The following NPIPA1 variants were observed in gnomAD, a reference collection of about 807,000 sequenced individuals.
NPIPA1 encodes nuclear pore complex-interacting protein family member A1.
For synonymous variants in NPIPA1, 7 were observed against 88.0 expected (o/e 0.08, Z 5.15); for missense variants, 22 against 232.2 (o/e 0.09, Z 5.88).
chr16:14,950,910 G>A, intron 7 of NPIPA1: 1 of 153,734 alleles, frequency 6.5e-6, no homozygotes, highest in South Asian at 3.9e-5. Flanking sequence ...GTTCTCATGG[G>A]TGGCACCTCC....
At chr16:14,945,180 G>A (rs1965852671) in intron 2 of NPIPA1, among the ~76,000 whole-genome samples, 1 of 150,810 alleles carries the variant, frequency 6.6e-6, no homozygotes. Flanking sequence ...CAAAGTGCTG[G>A]GATTACAGGA....
Position 14,943,157 on chromosome 16 carries a change from T to TG in NPIPA1, c.192+1217_192+1218insG, listed in dbSNP as rs1185106520. On this transcript the variant is annotated intron_variant, in intron 2 of 7. Coordinates refer to ENST00000328085, the MANE Select transcript of NPIPA1 (RefSeq NM_006985.4). ...AATTGGAGGAAGCTTTTTTTTTTTT[T>TG]TTTTCTTTTCTCACCCCCAAAAGGA... Among the ~76,000 whole-genome samples, 233 of 152,030 alleles carry TG rather than the reference T, an allele frequency of 1.5e-3. 1 individual carries two copies. The highest frequency in any genetic ancestry group is 3.9e-3 in the African/African-American group (162 of 41,400).
intron 1 of NPIPA1, chr16:14,941,448 A>G (rs1597171816): frequency 7.5e-6 from 2 of 265,034 alleles, no homozygotes; most frequent in East Asian, 2.8e-4. Context: ...TCAAAAAAAA[A>G]AAAAAAAAAA....
intron 1 of NPIPA1, among the ~76,000 whole-genome samples, chr16:14,941,306 A>T (rs1965747340): frequency 7.9e-6 from 1 of 126,148 alleles, no homozygotes; most frequent in African/African-American, 3.1e-5. Context: ...ATGGTGGCAG[A>T]GACCTGTAAT....
At chr16:14,940,418 A>AT (rs1480113098) in intron 1 of NPIPA1, among the ~76,000 whole-genome samples, 1 of 152,176 alleles carries the variant, frequency 6.6e-6, no homozygotes, top group Non-Finnish European at 1.5e-5. Flanking sequence ...TAAAGAAAAG[A>AT]TAACTACTGG....
chr16:14,947,996 G>T, intron 4 of NPIPA1, among the ~76,000 whole-genome samples: 1 of 152,242 alleles, frequency 6.6e-6, no homozygotes. Context: ...ATGCCCTGTG[G>T]TCAGAAACAA....
At chr16:14,941,491 G>A (rs1965753752) in intron 1 of NPIPA1, 1 of 187,126 alleles carries the variant, frequency 5.3e-6, no homozygotes, top group Non-Finnish European at 1.0e-5. Flanking sequence ...TATTGTTAGT[G>A]TTAGTGTATG....
At chr16:14,940,475 G>A (rs1457706978) in intron 1 of NPIPA1, among the ~76,000 whole-genome samples, 1 of 150,728 alleles carries the variant, frequency 6.6e-6, no homozygotes, top group African/African-American at 2.4e-5. Flanking sequence ...TTGGGAGGCC[G>A]AGGCAGGTGG....
intron 2 of NPIPA1, among the ~76,000 whole-genome samples, chr16:14,945,328 C>A (rs1965861079): frequency 6.8e-6 from 1 of 146,954 alleles, no homozygotes; most frequent in Non-Finnish European, 1.5e-5. Context: ...CGGCTCACTG[C>A]AACCTCCACC....
chr16:14,946,971 G>A (rs1965904076), intron 4 of NPIPA1, among the ~76,000 whole-genome samples: 1 of 152,026 alleles, frequency 6.6e-6, no homozygotes, highest in African/African-American at 2.4e-5. Flanking sequence ...GGGATTACAG[G>A]CGTGAGCCAC....
At chr16:14,943,701 C>T (rs1597173626) in intron 2 of NPIPA1, among the ~76,000 whole-genome samples, 1 of 151,006 alleles carries the variant, frequency 6.6e-6, no homozygotes, top group Non-Finnish European at 1.5e-5. Flanking sequence ...GCTACCTTTC[C>T]TATGAAATCT....
chr16:14,943,293 A>ATTAC (rs1199705881), intron 2 of NPIPA1, among the ~76,000 whole-genome samples: 1 of 151,482 alleles, frequency 6.6e-6, no homozygotes, highest in Non-Finnish European at 1.5e-5. Context: ...AGTAGCTGGG[A>ATTAC]TTACAGGTGC....
chr16:14,946,916 A>T (rs1597177485), intron 4 of NPIPA1, among the ~76,000 whole-genome samples: 1 of 152,144 alleles, frequency 6.6e-6, no homozygotes, highest in Admixed American at 6.5e-5. Flanking sequence ...GCTGGTCTAG[A>T]ACTCCTGACA....
At chr16:14,940,697 CTT>C (rs1965730020) in intron 1 of NPIPA1, among the ~76,000 whole-genome samples, 2 of 134,512 alleles carry the variant, frequency 1.5e-5, no homozygotes, top group South Asian at 5.5e-4. Context: ...CAGAGCAAGA[CTT>C]TGTCTCAAAA....
At chr16:14,938,924 C>T (rs1363930570) in intron 1 of NPIPA1, among the ~76,000 whole-genome samples, 1 of 145,620 alleles carries the variant, frequency 6.9e-6, no homozygotes, top group Non-Finnish European at 1.5e-5. Flanking sequence ...CTGGGTTTCA[C>T]CGTGTTCGCC....
At chr16:14,938,935 A>G (rs1266608465) in intron 1 of NPIPA1, among the ~76,000 whole-genome samples, 2 of 144,664 alleles carry the variant, frequency 1.4e-5, no homozygotes, top group East Asian at 2.4e-4. Context: ...CGTGTTCGCC[A>G]GGATAGTCTC....
At chr16:14,949,854 C>A (rs1965974272) in intron 5 of NPIPA1, 196 bp from the exon 6 acceptor site, 1 of 423,768 alleles carries the variant, frequency 2.4e-6, no homozygotes, top group African/African-American at 2.1e-5. Flanking sequence ...GCCTCGCCCT[C>A]CCAGAGTGCT....
At chr16:14,941,485 G>C (rs1285714450) in intron 1 of NPIPA1, 1 of 183,102 alleles carries the variant, frequency 5.5e-6, no homozygotes, top group Non-Finnish European at 1.0e-5. Flanking sequence ...ATCAGCTATT[G>C]TTAGTGTTAG....
At chr16:14,941,266 C>T (rs1965746374) in intron 1 of NPIPA1, among the ~76,000 whole-genome samples, 1 of 140,404 alleles carries the variant, frequency 7.1e-6, no homozygotes, top group Non-Finnish European at 1.5e-5. Flanking sequence ...GAAACCTCAT[C>T]TCTACTAAAA....
Sources: allele counts gnomAD v4.1 joint callset (sites outside exome capture counted in the v4.1 genomes callset), GRCh38; gene constraint gnomAD v4.1.1; transcripts MANE v1.5; gene names NCBI Gene and HGNC (gene_info 2026-07-23, HGNC 2026-07-21).